Variants in FAM169A observed in about 807,000 individuals in gnomAD.
FAM169A encodes the protein family with sequence similarity 169 member A.
In FAM169A, 24 loss-of-function variants were observed where a neutral mutation model predicts 75.7. The observed-to-expected ratio is 0.32, with a 90% confidence interval of 0.23 to 0.45. FAM169A has a LOEUF of 0.45. FAM169A is among the 20% of genes least tolerant of loss of function. The pLI is 1.00. For synonymous variants in FAM169A, 271 were observed against 271.0 expected (o/e 1.00, Z 0.00); for missense variants, 673 against 784.0 (o/e 0.86, Z 1.69).
At chr5:74,785,201 C>T (rs1392537730) in intron 11 of FAM169A, among the ~76,000 whole-genome samples, 3 of 151,830 alleles carry the variant, frequency 2.0e-5, no homozygotes, top group Non-Finnish European at 2.9e-5. Context: ...CGCCTGTAAT[C>T]CCAGGTACTC....
intron 2 of FAM169A, 73 bp from the exon 3 acceptor site, chr5:74,840,246 C>T (rs1748788221): frequency 3.3e-6 from 2 of 612,492 alleles, no homozygotes; most frequent in Non-Finnish European, 5.6e-6. Context: ...AATCTTTTAT[C>T]AAAGTAGTAA....
chr5:74,779,229 T>C lies in FAM169A; in HGVS notation c.*2231A>G, dbSNP rs1745285434. The C allele has an allele frequency of 6.6e-6, 1 of 152,128 alleles. No individual in the cohort carries two copies. The highest frequency in any genetic ancestry group is 2.1e-4 in the South Asian group (1 of 4,832). 9.4% of individuals were successfully genotyped at this position (152,128 alleles called of 1,614,324 possible). A position where few individuals can be genotyped will look rare whatever the true frequency, so the allele number is the denominator to read the frequency against. On this transcript the variant is annotated 3_prime_UTR_variant, in exon 13 of 13. Coordinates refer to ENST00000687041, the MANE Select transcript of FAM169A (RefSeq NM_001376049.1). The stretch of plus-strand genomic sequence containing the variant: ...TGATTAATAAACATTTTTTGTAAAC[T>C]CAACTATATTCACACATCAAGAGTT...
chr5:74,782,635 G>A (rs887867481), intron 12 of FAM169A, among the ~76,000 whole-genome samples: 6 of 152,030 alleles, frequency 3.9e-5, no homozygotes, highest in African/African-American at 1.5e-4. Context: ...ACAAATATAG[G>A]TACTCAAATA....
intron 1 of FAM169A, among the ~76,000 whole-genome samples, chr5:74,861,145 A>T (rs1359175503): frequency 1.3e-5 from 2 of 152,194 alleles, no homozygotes; most frequent in African/African-American, 4.8e-5. Flanking sequence ...CAAAAATAAA[A>T]ACAGTCTAAT....
At chr5:74,812,728 T>C (rs1257136203) in intron 6 of FAM169A, among the ~76,000 whole-genome samples, 1 of 152,130 alleles carries the variant, frequency 6.6e-6, no homozygotes, top group Non-Finnish European at 1.5e-5. Flanking sequence ...TGAAAAGATG[T>C]TCAACATCAA....
chr5:74,801,631 T>A lies in FAM169A; in HGVS notation c.913-2A>T. ...AAAGGCATCTTTTAGAGAATCAATCTAAAAAAGAGAGAGATTCAAACCCAA... is the reference window on the plus strand; with the variant it reads ...AAAGGCATCTTTTAGAGAATCAATCAAAAAAAGAGAGAGATTCAAACCCAA... On this transcript the variant is annotated splice_acceptor_variant, in intron 8 of 12. Coordinates refer to ENST00000687041, the MANE Select transcript of FAM169A (RefSeq NM_001376049.1). LOFTEE classifies it high-confidence loss of function. The A allele has an allele frequency of 6.2e-7, 1 of 1,606,842 alleles. No individual in the cohort carries two copies. The highest frequency in any genetic ancestry group is 1.7e-5 in the Admixed American group (1 of 58,454).
chr5:74,789,291 G>A (rs112158844), intron 11 of FAM169A, among the ~76,000 whole-genome samples: 156 of 152,314 alleles, frequency 1.0e-3, no homozygotes, highest in African/African-American at 3.6e-3. Flanking sequence ...AAATAAATCC[G>A]ACTACAATTC....
intron 5 of FAM169A, 73 bp downstream of exon 5, chr5:74,834,353 T>C (rs533102359): frequency 1.2e-6 from 1 of 848,234 alleles, no homozygotes; most frequent in East Asian, 2.9e-5. Flanking sequence ...TTAACAGAGA[T>C]ATTGATACAG....
rs1747333996 is a variant in FAM169A, at chr5:74,813,840, CT to C, written c.669del (p.Ala224LeufsTer43). 3 of 1,545,738 alleles carry C rather than the reference CT, an allele frequency of 1.9e-6. No homozygotes were observed. The highest frequency in any genetic ancestry group is 2.6e-6 in the Non-Finnish European group (3 of 1,155,000). ...LRYPLSSLMY[T>X]ACKQYFEKYP... ...TTATTTTTTAACTTAGTCCATTTACCTGTATACATGAGAGAAGACAGTGGAT... is the reference window on the plus strand; with the variant it reads ...TTATTTTTTAACTTAGTCCATTTACCGTATACATGAGAGAAGACAGTGGAT... On this transcript the variant is annotated frameshift_variant and splice_region_variant, in exon 6 of 13. Coordinates refer to ENST00000687041, the MANE Select transcript of FAM169A (RefSeq NM_001376049.1). LOFTEE classifies it high-confidence loss of function.
rs987361981 is a variant in FAM169A, at chr5:74,780,349, A to G, written c.*1111T>C. ...ATATAGGTCTAACATTGTGGGGTGC[A>G]CCTCCAAACCTACCCAAAAATGGAC... On this transcript the variant is annotated 3_prime_UTR_variant, in exon 13 of 13. Transcript: ENST00000687041. 1.3e-5 allele frequency: 2 copies of G among 152,202 alleles called. No individual in the cohort carries two copies. Among genetic ancestry groups the G allele is most frequent in the Admixed American group, 1.3e-4 (2 of 15,272 alleles). 9.4% of individuals were successfully genotyped at this position (152,202 alleles called of 1,614,324 possible).
At chr5:74,858,115 C>T (rs574969486) in intron 1 of FAM169A, among the ~76,000 whole-genome samples, 1 of 151,900 alleles carries the variant, frequency 6.6e-6, no homozygotes, top group East Asian at 1.9e-4. Flanking sequence ...AGGCCAGGCG[C>T]GGTGGCTCAT....
chr5:74,787,571 T>G (rs1399198683), intron 11 of FAM169A, among the ~76,000 whole-genome samples: 2 of 152,214 alleles, frequency 1.3e-5, no homozygotes. Flanking sequence ...CTTCTCTGTA[T>G]GCCAAATCTA....
At chr5:74,822,866 C>T (rs943028500) in intron 5 of FAM169A, among the ~76,000 whole-genome samples, 2 of 152,164 alleles carry the variant, frequency 1.3e-5, no homozygotes, top group African/African-American at 4.8e-5. Context: ...AATACCTAAG[C>T]ACCCAAGCCA....
At chr5:74,805,544 T>C (rs77497497) in intron 6 of FAM169A, among the ~76,000 whole-genome samples, 9 of 143,700 alleles carry the variant, frequency 6.3e-5, no homozygotes, top group Non-Finnish European at 1.4e-4. Context: ...TTTTTTTTTT[T>C]TTTGGAGATG....
At chr5:74,824,001 A>G (rs1580128980) in intron 5 of FAM169A, among the ~76,000 whole-genome samples, 1 of 152,320 alleles carries the variant, frequency 6.6e-6, no homozygotes, top group East Asian at 1.9e-4. Flanking sequence ...AGGGAAGATC[A>G]TGGATATAGC....
chr5:74,860,877 C>A (rs995424897), intron 1 of FAM169A, among the ~76,000 whole-genome samples: 5 of 151,026 alleles, frequency 3.3e-5, no homozygotes, highest in Non-Finnish European at 7.4e-5. Flanking sequence ...GTGGCTCATG[C>A]CTGCAATCCC....
intron 5 of FAM169A, 124 bp downstream of exon 5, chr5:74,834,302 T>G: frequency 4.1e-6 from 2 of 491,266 alleles, no homozygotes. Flanking sequence ...TCCCAAGAAA[T>G]ACTAATTAAA....
At chr5:74,840,566 C>T (rs1287474072) in intron 2 of FAM169A, among the ~76,000 whole-genome samples, 1 of 149,966 alleles carries the variant, frequency 6.7e-6, no homozygotes, top group Non-Finnish European at 1.5e-5. Flanking sequence ...CAGTGGCTCA[C>T]ACCTGTAATC....
chr5:74,783,916 T>G (rs1745536812), intron 11 of FAM169A, among the ~76,000 whole-genome samples: 1 of 152,192 alleles, frequency 6.6e-6, no homozygotes, highest in African/African-American at 2.4e-5. Context: ...GTAGGACCCC[T>G]AAAAGCATAT....
Sources: gnomAD v4.1 joint callset for allele counts (sites outside exome capture counted in the v4.1 genomes callset) on GRCh38, gnomAD v4.1.1 for gene constraint, MANE v1.5 for transcripts, NCBI Gene and HGNC (gene_info 2026-07-23, HGNC 2026-07-21) for gene names.